DCTN4: variants seen among roughly 807,000 people sequenced by gnomAD.
DCTN4 encodes the protein dynactin 4 (p62).
DCTN4 carries 23 observed loss-of-function variants against 62.7 expected under a neutral mutation model. The observed-to-expected ratio is 0.37, with a 90% CI of 0.26 to 0.52. The LOEUF is 0.52. DCTN4 is among the 20% of genes least tolerant of loss of function. DCTN4 has a pLI of 0.92. For synonymous variants in DCTN4, 199 were observed against 202.1 expected, an observed-to-expected ratio of 0.98 and a Z score of 0.13; for missense variants, 514 against 580.4, an observed-to-expected ratio of 0.89 and a Z score of 1.18.
At chr5:150,743,461 C>T (rs536521140) in intron 3 of DCTN4, among the ~76,000 whole-genome samples, 16 of 152,316 alleles carry the variant, frequency 1.1e-4, no homozygotes, top group Middle Eastern at 3.4e-3. Context: ...TCTCCCAGCA[C>T]GCAGCTGGAG....
intron 4 of DCTN4, among the ~76,000 whole-genome samples, chr5:150,734,924 G>A (rs1760519988): frequency 1.3e-5 from 2 of 152,074 alleles, no homozygotes; most frequent in African/African-American, 4.8e-5. Context: ...TAATCCCCCT[G>A]GGAACATAAC....
chr5:150,758,799 A>T lies in DCTN4; in HGVS notation c.135+60T>A, dbSNP rs542780147. ...TAGCTCCAGCCTTCCGGTGGCAGTG[A>T]CTAGCATGAACGCCGCGCCCCCCCC... On this transcript the variant is annotated intron_variant, in intron 1 of 12. Transcript: ENST00000447998. The T allele has an allele frequency of 8.8e-5, 141 of 1,595,822 alleles. No individual in the cohort carries two copies. The East Asian group carries it at 2.5e-3, about 29-fold the overall frequency.
intron 1 of DCTN4, chr5:150,758,536 T>C: frequency 1.9e-6 from 2 of 1,027,496 alleles, no homozygotes; most frequent in Non-Finnish European, 2.3e-6. Context: ...GCCCCTTAAG[T>C]GGCCTGAACT....
chr5:150,711,976 T>C (rs908143100), intron 12 of DCTN4, among the ~76,000 whole-genome samples: 1 of 152,182 alleles, frequency 6.6e-6, no homozygotes, highest in African/African-American at 2.4e-5. Flanking sequence ...GGTTGCACAG[T>C]ATTCAATTAT....
At chr5:150,734,554 T>C (rs1474561397) in intron 4 of DCTN4, 2 of 152,150 alleles carry the variant, frequency 1.3e-5, no homozygotes, top group African/African-American at 4.8e-5. Flanking sequence ...GTGCTGCCAG[T>C]GGAACTGAGG....
At chr5:150,720,575 C>T (rs1759922653) in intron 9 of DCTN4, among the ~76,000 whole-genome samples, 1 of 151,620 alleles carries the variant, frequency 6.6e-6, no homozygotes, top group South Asian at 2.1e-4. Context: ...ACCCCCCAGG[C>T]TCAAGTGACA....
intron 3 of DCTN4, among the ~76,000 whole-genome samples, chr5:150,747,190 T>C (rs1268186750): frequency 2.0e-5 from 3 of 152,154 alleles, no homozygotes; most frequent in Non-Finnish European, 2.9e-5. Flanking sequence ...CCATTCACAA[T>C]TGCTTCAAAG....
At chr5:150,728,013 C>T (rs1325213177) in intron 8 of DCTN4, among the ~76,000 whole-genome samples, 1 of 151,990 alleles carries the variant, frequency 6.6e-6, no homozygotes, top group Non-Finnish European at 1.5e-5. Flanking sequence ...ATTTTTAAAA[C>T]TCTGATCTAA....
chr5:150,758,939 T>A lies in DCTN4; in HGVS notation c.55A>T (p.Lys19Ter). The A allele has an allele frequency of 6.2e-7, 1 of 1,614,048 alleles. No homozygotes were observed. The highest frequency in any genetic ancestry group is 8.5e-7 in the Non-Finnish European group (1 of 1,180,002). ...AGTTGCGAGAGCGGGGCCCGAACCTTCTTTTCTCCCTGGACTAGATAGAGA... is the reference window on the plus strand; with the variant it reads ...AGTTGCGAGAGCGGGGCCCGAACCTACTTTTCTCCCTGGACTAGATAGAGA... ...RVLYLVQGEK[K>*]VRAPLSQLYF... is the part of the protein sequence containing the mutation. Residue 19 changes from lysine to a stop codon, truncating the protein, a stop_gained, in exon 1 of 13, where the codon AAG becomes TAG. Transcript: ENST00000447998. LOFTEE classifies it high-confidence loss of function.
At position 150,716,193 on chromosome 5, in the gene DCTN4, C is replaced by T. The variant is rs1040350001; in HGVS notation, c.1072-531G>A. ...TGTTGGGATTACAGGCGTGAGCCACCGCGCCTAGCCCTAATGTTTAATTTC... is the reference window on the plus strand; with the variant it reads ...TGTTGGGATTACAGGCGTGAGCCACTGCGCCTAGCCCTAATGTTTAATTTC... On this transcript the variant is annotated intron_variant, in intron 11 of 12. Coordinates refer to ENST00000447998, the MANE Select transcript of DCTN4 (RefSeq NM_016221.4). 2.0e-5 allele frequency among the ~76,000 whole-genome samples: 3 copies of T among 152,200 alleles called. No homozygotes were observed. In the East Asian group the frequency reaches 5.8e-4, roughly 29 times the overall value.
chr5:150,735,809 A>G (rs1444257385), intron 4 of DCTN4, among the ~76,000 whole-genome samples: 1 of 151,672 alleles, frequency 6.6e-6, no homozygotes, highest in Admixed American at 6.6e-5. Context: ...ACCAAGAAGA[A>G]AACTCTGAAT....
rs1759465562 is a variant in DCTN4 at position 150,708,895 on chromosome 5, A to G, written c.*2254T>C. On this transcript the variant is annotated 3_prime_UTR_variant, in exon 13 of 13. Transcript: ENST00000447998. ...CACAAATATGCATGACACTTAGCTC[A>G]TTATGCTGATAAGCACTTCAAACAA... is the stretch of plus-strand genomic sequence containing the variant. 1 of 152,824 alleles carries G rather than the reference A, an allele frequency of 6.5e-6. No homozygotes were observed. Among genetic ancestry groups the G allele is most frequent in the Non-Finnish European group, 1.5e-5 (1 of 68,040 alleles). The allele number at this position is 152,824 out of a possible 1,614,324, so 9.5% of individuals were successfully genotyped here. A position where few individuals can be genotyped will look rare whatever the true frequency, so the allele number is the denominator to read the frequency against.
intron 11 of DCTN4, among the ~76,000 whole-genome samples, chr5:150,715,913 T>C (rs549776596): frequency 6.6e-6 from 1 of 152,302 alleles, no homozygotes; most frequent in East Asian, 1.9e-4. Flanking sequence ...TTTTATTATT[T>C]ATTTTTTTGA....
chr5:150,733,458 T>C lies in DCTN4; in HGVS notation c.447A>G (p.Glu149=). 1 of 1,613,616 alleles carries C rather than the reference T, an allele frequency of 6.2e-7. No homozygotes were observed. Among genetic ancestry groups the C allele is most frequent in the South Asian group, 1.1e-5 (1 of 90,952 alleles). Residue 149 remains glutamate, a synonymous_variant, in exon 5 of 13, where the codon GAA becomes GAG. Transcript: ENST00000447998. ...PHTQRMNKLI[E]YYQQLAQKEK... ...CTTTCTGAGCAAGCTGCTGGTAATA[T>C]TCAATCAATTTGTTCATCTGTAAGA...
intron 3 of DCTN4, chr5:150,743,040 G>T (rs1249563115): frequency 6.5e-6 from 1 of 153,994 alleles, no homozygotes; most frequent in Non-Finnish European, 1.4e-5. Flanking sequence ...CACTTGGGAA[G>T]CGCAAGGGAT....
intron 8 of DCTN4, among the ~76,000 whole-genome samples, chr5:150,726,504 T>A (rs369853086): frequency 6.6e-6 from 1 of 152,092 alleles, no homozygotes. Flanking sequence ...AGGCCAATCC[T>A]CCCCGCCATT....
chr5:150,708,519 A>G lies in DCTN4; in HGVS notation c.*2630T>C, dbSNP rs10476941. The stretch of plus-strand genomic sequence containing the variant: ...GGATAAAAACTGGTAGAGGTCTAAC[A>G]ACATTTATATAATGGTTCTGTGAAT... On this transcript the variant is annotated 3_prime_UTR_variant, in exon 13 of 13. Coordinates refer to ENST00000447998, the MANE Select transcript of DCTN4 (RefSeq NM_016221.4). 0.086 allele frequency: 13,135 copies of G among 152,510 alleles called. 1,758 individuals carry two copies. The highest frequency in any genetic ancestry group is 0.28 in the African/African-American group (11,826 of 41,496). 9.4% of individuals were successfully genotyped at this position (152,510 alleles called of 1,614,324 possible).
chr5:150,716,153 C>T (rs1335409826), intron 11 of DCTN4, among the ~76,000 whole-genome samples: 1 of 152,198 alleles, frequency 6.6e-6, no homozygotes, highest in Non-Finnish European at 1.5e-5. Flanking sequence ...ATCCACTTGC[C>T]TCGGCCTCCC....
intron 3 of DCTN4, among the ~76,000 whole-genome samples, chr5:150,750,633 T>A (rs1752637742): frequency 6.6e-6 from 1 of 152,216 alleles, no homozygotes; most frequent in Non-Finnish European, 1.5e-5. Flanking sequence ...AGAAACATAA[T>A]GCTGATAGAG....
Sources: allele counts gnomAD v4.1 joint callset (sites outside exome capture counted in the v4.1 genomes callset), GRCh38; gene constraint gnomAD v4.1.1; transcripts MANE v1.5; gene names NCBI Gene and HGNC (gene_info 2026-07-23, HGNC 2026-07-21).